ERN1: variants seen among roughly 807,000 people sequenced by gnomAD.
ERN1 encodes serine/threonine-protein kinase/endoribonuclease IRE1.
ERN1 carries 39 observed loss-of-function variants against 113.1 expected under a neutral mutation model. The ratio of observed to expected loss-of-function variants is 0.34; its 90% confidence interval spans 0.27 to 0.45. The LOEUF (loss-of-function observed/expected upper bound fraction) is 0.45, where lower values mean the gene tolerates loss of function less well. Ranked by LOEUF, ERN1 falls within the 20% of genes least tolerant of loss-of-function variation. The probability of loss-of-function intolerance (pLI) is 1.00; values close to 1 mark genes in which losing one functional copy is unlikely to be tolerated. For missense variants in ERN1, 976 were observed against 1,274.8 expected, an observed-to-expected ratio of 0.77 and a Z score of 3.57; for synonymous variants, 507 against 515.9, an observed-to-expected ratio of 0.98 and a Z score of 0.23.
rs939899851 is a variant in ERN1 at position 64,052,854 on chromosome 17, G to A, written c.2179C>T (p.Arg727Cys). The A allele has an allele frequency of 6.2e-6, 10 of 1,613,978 alleles. No individual in the cohort carries two copies. The highest frequency in any genetic ancestry group is 1.1e-5 in the South Asian group (1 of 91,078). Residue 727 changes from arginine to cysteine, a missense_variant, in exon 17 of 22, where the codon CGC becomes TGC. Arg to Cys is a radical substitution (Grantham distance 180). Around this residue, in one of 5 missense-constraint regions of ERN1, gnomAD observed 297 missense variants for 457.8 expected, o/e 0.65. Transcript: ENST00000433197. ...KLAVGRHSFS[R>C]RSGVPGTEGW... is the part of the protein sequence containing the mutation. ...TCTGTGCCAGGCACCCCAGATCGGC[G>A]GCTGAAACTGTGTCTGCCCACTGCC... is the stretch of plus-strand genomic sequence containing the variant.
At chr17:64,112,944 T>C (rs188760583) in intron 1 of ERN1, among the ~76,000 whole-genome samples, 9 of 152,304 alleles carry the variant, frequency 5.9e-5, no homozygotes, top group African/African-American at 2.2e-4. Flanking sequence ...AACTTGGGTG[T>C]GCTCTGGAGG....
intron 1 of ERN1, among the ~76,000 whole-genome samples, chr17:64,098,851 C>T (rs1461336734): frequency 2.0e-5 from 3 of 151,814 alleles, no homozygotes; most frequent in Non-Finnish European, 4.4e-5. Context: ...CCTTTTTTCT[C>T]AACAAACTTA....
At position 64,043,007 on chromosome 17, in the gene ERN1, C is replaced by T. The variant is rs1391269253; in HGVS notation, c.*981G>A. On this transcript the variant is annotated 3_prime_UTR_variant, in exon 22 of 22. Transcript: ENST00000433197. ...CACGGTGACCCTGGCCTTGGCCACC[C>T]ACCCTGGCCCTGACTCACCACGAGC... 10 of 152,374 alleles carry T rather than the reference C, an allele frequency of 6.6e-5. No individual in the cohort carries two copies. 9.4% of individuals were successfully genotyped at this position (152,374 alleles called of 1,614,324 possible). A position where few individuals can be genotyped will look rare whatever the true frequency, so the allele number is the denominator to read the frequency against.
intron 1 of ERN1, among the ~76,000 whole-genome samples, chr17:64,108,584 A>G (rs1047640717): frequency 1.3e-5 from 2 of 152,160 alleles, no homozygotes; most frequent in Non-Finnish European, 2.9e-5. Context: ...TTAGTGGCTG[A>G]GCTTTAGAAT....
At chr17:64,051,380 T>C (rs891102830) in intron 17 of ERN1, among the ~76,000 whole-genome samples, 12 of 152,196 alleles carry the variant, frequency 7.9e-5, no homozygotes, top group Non-Finnish European at 1.0e-4. Context: ...TGAACCCTTA[T>C]GGTAGAGAGA....
intron 1 of ERN1, among the ~76,000 whole-genome samples, chr17:64,118,773 G>T (rs548830528): frequency 6.6e-6 from 1 of 152,156 alleles, no homozygotes; most frequent in East Asian, 1.9e-4. Flanking sequence ...TTGTCAGCTC[G>T]GCACCTGCTA....
Position 64,046,622 on chromosome 17 carries a change from G to A in ERN1, c.2530-1140C>T, listed in dbSNP as rs186938066. On this transcript the variant is annotated intron_variant, in intron 19 of 21. Coordinates refer to ENST00000433197, the MANE Select transcript of ERN1 (RefSeq NM_001433.5). ...CATCTGAATGGTTGGGCCAGGCAGCGTCCTCCCTAGGAGGCAGGGACACAG... is the reference window on the plus strand; with the variant it reads ...CATCTGAATGGTTGGGCCAGGCAGCATCCTCCCTAGGAGGCAGGGACACAG... Among the ~76,000 whole-genome samples the A allele has an allele frequency of 1.7e-3, 252 of 152,282 alleles. 1 individual carries two copies. Among genetic ancestry groups the A allele is most frequent in the African/African-American group, 5.8e-3 (243 of 41,568 alleles).
At chr17:64,106,241 A>T (rs756417599) in intron 1 of ERN1, among the ~76,000 whole-genome samples, 1 of 152,208 alleles carries the variant, frequency 6.6e-6, no homozygotes, top group Non-Finnish European at 1.5e-5. Context: ...GACTTGAAAC[A>T]AGTTATGCAA....
chr17:64,071,718 G>C (rs374210800), intron 6 of ERN1, among the ~76,000 whole-genome samples: 1 of 152,130 alleles, frequency 6.6e-6, no homozygotes, highest in Non-Finnish European at 1.5e-5. Flanking sequence ...CACCACGCCC[G>C]GCCAGGCAAC....
At chr17:64,062,090 C>T (rs1913072644) in intron 10 of ERN1, among the ~76,000 whole-genome samples, 1 of 152,252 alleles carries the variant, frequency 6.6e-6, no homozygotes, top group Non-Finnish European at 1.5e-5. Flanking sequence ...ATTACCTGGT[C>T]TCCTTGATGT....
rs58544303 is a variant in ERN1 at position 64,106,715 on chromosome 17, TACACACACACACACACACACACACAC to T, written c.55-8500_55-8475del. ...AGGACACCAGTCCTACAGGGTTTCT[TACACACACACACACACACACACACAC>T]ACACACACACACACACACACACAAG... On this transcript the variant is annotated intron_variant, in intron 1 of 21. Coordinates refer to ENST00000433197, the MANE Select transcript of ERN1 (RefSeq NM_001433.5). Among the ~76,000 whole-genome samples the T allele has an allele frequency of 2.3e-3, 240 of 103,436 alleles. 1 individual carries two copies. Among genetic ancestry groups the T allele is most frequent in the African/African-American group, 8.6e-3 (233 of 27,006 alleles). 67.9% of individuals were successfully genotyped at this position (103,436 alleles called of 152,430 possible).
At chr17:64,076,749 G>A (rs961758726) in intron 4 of ERN1, among the ~76,000 whole-genome samples, 6 of 152,094 alleles carry the variant, frequency 3.9e-5, no homozygotes, top group Non-Finnish European at 8.8e-5. Context: ...ACAGGCGCCC[G>A]CCACTGCGCC....
In ERN1 at chr17:64,057,907, G is replaced by A. The variant is rs758456123; in HGVS notation, c.1293C>T (p.Ala431=). 1.2e-6 allele frequency: 2 copies of A among 1,612,884 alleles called. No homozygotes were observed. Among genetic ancestry groups the A allele is most frequent in the Non-Finnish European group, 1.7e-6 (2 of 1,179,500 alleles). ...TGGAGTCCACGGGGGCCTCGGGCCG[G>A]GCAGGGGCATGGGCGGGCTTCTCCT... ...DVEEKPAHAP[A]RPEAPVDSML... Residue 431 remains alanine, a synonymous_variant, in exon 12 of 22, where the codon GCC becomes GCT. Transcript: ENST00000433197.
chr17:64,086,246 C>G (rs1480237813), intron 2 of ERN1, among the ~76,000 whole-genome samples: 1 of 152,246 alleles, frequency 6.6e-6, no homozygotes, highest in Non-Finnish European at 1.5e-5. Flanking sequence ...CATCAAGATA[C>G]AGAACATTTC....
chr17:64,098,656 A>G (rs746422394), intron 1 of ERN1: 89 of 485,946 alleles, frequency 1.8e-4, no homozygotes, highest in Admixed American at 1.2e-3. Context: ...TGAAATTTTA[A>G]AAAGCAAAGA....
intron 2 of ERN1, among the ~76,000 whole-genome samples, chr17:64,090,891 C>T (rs142920662): frequency 2.2e-4 from 34 of 152,142 alleles, no homozygotes; most frequent in Admixed American, 1.4e-3. Flanking sequence ...TGTTTTAAAC[C>T]GTCTATGTTT....
In ERN1 at chr17:64,055,833, G is replaced by GC; in HGVS notation, c.1513dup (p.Ala505GlyfsTer55). 1 of 1,558,018 alleles carries GC rather than the reference G, an allele frequency of 6.4e-7. No homozygotes were observed. The highest frequency in any genetic ancestry group is 8.7e-7 in the Non-Finnish European group (1 of 1,150,830). ...CGTGTCCAGGAGCTCGCCGTCCTGA[G>GC]CCGTGTCTCCAGGTGGGTGGAAGGG... is the stretch of plus-strand genomic sequence containing the variant. On this transcript the variant is annotated frameshift_variant, in exon 13 of 22. Transcript: ENST00000433197. LOFTEE classifies it high-confidence loss of function.
At chr17:64,080,585 T>C (rs959866419) in intron 3 of ERN1, 190 bp downstream of exon 3, 8 of 548,292 alleles carry the variant, frequency 1.5e-5, no homozygotes, top group Non-Finnish European at 2.6e-5. Context: ...ACTACCCTTC[T>C]CCCTCAGGAA....
chr17:64,126,801 A>T (rs1339648116), intron 1 of ERN1, among the ~76,000 whole-genome samples: 1 of 152,060 alleles, frequency 6.6e-6, no homozygotes, highest in African/African-American at 2.4e-5. Flanking sequence ...GTTAAGACTC[A>T]TCTATCAGAT....
Sources: gnomAD v4.1 joint callset for allele counts (sites outside exome capture counted in the v4.1 genomes callset) on GRCh38, gnomAD v4.1.1 for gene constraint, gnomAD v4.1.1 regional missense constraint, MANE v1.5 for transcripts, NCBI Gene and HGNC (gene_info 2026-07-23, HGNC 2026-07-21) for gene names.